Variants in SLC6A3 observed in about 807,000 individuals in gnomAD.
SLC6A3 encodes the protein sodium-dependent dopamine transporter.
A neutral mutation model predicts 70.4 loss-of-function variants in SLC6A3; 19 were observed. That is an observed-to-expected ratio of 0.27 (90% CI 0.19 to 0.40). The LOEUF is 0.40. Among genes scored for constraint, SLC6A3 ranks in the 10% least tolerant of loss-of-function variants. The pLI is 1.00. For missense variants in SLC6A3, 613 were observed against 838.5 expected, an observed-to-expected ratio of 0.73 and a Z score of 3.32; for synonymous variants, 368 against 356.6, an observed-to-expected ratio of 1.03 and a Z score of -0.36.
intron 14 of SLC6A3, among the ~76,000 whole-genome samples, chr5:1,398,360 CAAAA>C (rs57135183): frequency 3.1e-3 from 213 of 69,078 alleles, no homozygotes; most frequent in African/African-American, 8.8e-3. Context: ...GACTCCACCT[CAAAA>C]AAAAAAAAAA....
chr5:1,442,997 G>T lies in SLC6A3; in HGVS notation c.201C>A (p.Ile67=), dbSNP rs191426052. Residue 67 remains isoleucine (I), a synonymous_variant, in exon 2 of 15, where the codon ATC becomes ATA. Transcript: ENST00000270349. This position sits in a 1 kb window ranked among gnomAD's most constrained non-coding sequence, Gnocchi z 5.0. Reference sequence around the variant, plus strand: ...AGCCAATGACGGACAGGAGAAAGTCGATCTTCTTGCCCCAGGTCTCCCGAT... The same window carrying T: ...AGCCAATGACGGACAGGAGAAAGTCTATCTTCTTGCCCCAGGTCTCCCGAT... ...AQDRETWGKK[I]DFLLSVIGFA... is the part of the protein sequence containing the mutation. The T allele has an allele frequency of 2.5e-6, 4 of 1,614,058 alleles. No homozygotes were observed. Among genetic ancestry groups the T allele is most frequent in the Non-Finnish European group, 3.4e-6 (4 of 1,180,048 alleles).
intron 14 of SLC6A3, among the ~76,000 whole-genome samples, chr5:1,398,266 C>A (rs1332413941): frequency 6.7e-6 from 1 of 150,366 alleles, no homozygotes; most frequent in Non-Finnish European, 1.5e-5. Context: ...GAGGCTGAGG[C>A]AGGACAATTG....
chr5:1,419,189 T>C (rs1011232625), intron 6 of SLC6A3, among the ~76,000 whole-genome samples: 1 of 150,102 alleles, frequency 6.7e-6, no homozygotes, highest in African/African-American at 2.5e-5. Flanking sequence ...GCTACCTACC[T>C]ATCATCCATT....
rs1020985612 is a variant in SLC6A3 at position 1,413,848 on chromosome 5, C to T, written c.1156+843G>A. On this transcript the variant is annotated intron_variant, in intron 8 of 14. Coordinates refer to ENST00000270349, the MANE Select transcript of SLC6A3 (RefSeq NM_001044.5). The surrounding 1 kb of genome is among the most constrained non-coding windows in gnomAD (Gnocchi z 7.1). ...TTCCACTGCAAGCACCGGAGCCAGG[C>T]ACGTGGCCCCAAGTGCCTGGGCCCA... 2.6e-5 allele frequency among the ~76,000 whole-genome samples: 4 copies of T among 152,168 alleles called. No individual in the cohort carries two copies. In the South Asian group the frequency reaches 6.2e-4, roughly 24 times the overall value.
intron 14 of SLC6A3, among the ~76,000 whole-genome samples, chr5:1,395,790 G>T (rs1309053562): frequency 6.6e-6 from 1 of 152,264 alleles, no homozygotes; most frequent in Non-Finnish European, 1.5e-5. Flanking sequence ...CTTCAGCTGT[G>T]AGTCCTGTTC....
Position 1,394,825 on chromosome 5 carries a change from G to A in SLC6A3, c.1840-67C>T. 1 of 1,554,474 alleles carries A rather than the reference G, an allele frequency of 6.4e-7. No individual in the cohort carries two copies. The highest frequency in any genetic ancestry group is 1.1e-5 in the South Asian group (1 of 89,882). On this transcript the variant is annotated intron_variant, in intron 14 of 14. Coordinates refer to ENST00000270349, the MANE Select transcript of SLC6A3 (RefSeq NM_001044.5). This position sits in a 1 kb window ranked among gnomAD's most constrained non-coding sequence, Gnocchi z 4.7. The stretch of plus-strand genomic sequence containing the variant: ...CCCCATTTAAGAGCAGCTGAAGGTG[G>A]CTAAGAGCAGCTGAAGGCAGTGAGC...
chr5:1,429,531 A>AT (rs1756647204), intron 4 of SLC6A3, among the ~76,000 whole-genome samples: 1 of 152,188 alleles, frequency 6.6e-6, no homozygotes, highest in South Asian at 2.1e-4. Context: ...TCCTTCTAGC[A>AT]TTCTTAACAA....
Position 1,400,481 on chromosome 5 carries a change from C to G in SLC6A3, c.1839+434G>C, listed in dbSNP as rs28363154. On this transcript the variant is annotated intron_variant, in intron 14 of 14. Transcript: ENST00000270349. ...CGAAGCCAGCCCCAGGCTCCCAGGC[C>G]TCTCCCAGCCCCTCCAGGGCTCCCT... Among the ~76,000 whole-genome samples, 560 of 152,304 alleles carry G rather than the reference C, an allele frequency of 3.7e-3. 3 individuals are homozygous for G. The highest frequency in any genetic ancestry group is 0.011 in the African/African-American group (451 of 41,566).
intron 4 of SLC6A3, among the ~76,000 whole-genome samples, chr5:1,422,541 G>C (rs1756469281): frequency 6.9e-6 from 1 of 145,158 alleles, no homozygotes; most frequent in Non-Finnish European, 1.5e-5. Context: ...TGCCCACGCT[G>C]CTGGGTGCCC....
At chr5:1,441,260 G>A (rs1014114898) in intron 3 of SLC6A3, 99 bp downstream of exon 3, 351 of 1,469,320 alleles carry the variant, frequency 2.4e-4, no homozygotes, top group Non-Finnish European at 3.2e-4. Flanking sequence ...AGCAAAGCAG[G>A]GCTGGATGCC....
chr5:1,408,847 C>T lies in SLC6A3; in HGVS notation c.1498+179G>A, dbSNP rs905314378. On this transcript the variant is annotated intron_variant, in intron 11 of 14. Coordinates refer to ENST00000270349, the MANE Select transcript of SLC6A3 (RefSeq NM_001044.5). The surrounding 1 kb of genome is among the most constrained non-coding windows in gnomAD (Gnocchi z 6.4). ...TTCTGGCTGCCATCCAAGCTAAGCA[C>T]CTCACTGATCCCATCAAAGGGACCA... Among the ~76,000 whole-genome samples the T allele has an allele frequency of 2.0e-5, 3 of 152,230 alleles. No homozygotes were observed. The highest frequency in any genetic ancestry group is 2.9e-5 in the Non-Finnish European group (2 of 68,048).
chr5:1,440,803 A>G (rs1351214311), intron 3 of SLC6A3, among the ~76,000 whole-genome samples: 1 of 152,222 alleles, frequency 6.6e-6, no homozygotes, highest in Non-Finnish European at 1.5e-5. Flanking sequence ...AGAAGAAATC[A>G]ACCCTACAGA....
In SLC6A3 at chr5:1,438,789, G is replaced by C. The variant is rs1756900685; in HGVS notation, c.418+2570C>G. 6.6e-6 allele frequency among the ~76,000 whole-genome samples: 1 copy of C among 152,212 alleles called. No homozygotes were observed. The highest frequency in any genetic ancestry group is 1.5e-5 in the Non-Finnish European group (1 of 68,036). ...TAAGACACTTGTGACAGACTCCAGG[G>C]TGGCTCTTGAAAATCCAGCAAAGCA... On this transcript the variant is annotated intron_variant, in intron 3 of 14. Coordinates refer to ENST00000270349, the MANE Select transcript of SLC6A3 (RefSeq NM_001044.5). This position sits in a 1 kb window ranked among gnomAD's most constrained non-coding sequence, Gnocchi z 6.5.
At chr5:1,415,391 T>C (rs75355434) in intron 7 of SLC6A3, among the ~76,000 whole-genome samples, 1 of 152,044 alleles carries the variant, frequency 6.6e-6, no homozygotes, top group Non-Finnish European at 1.5e-5. Context: ...ACACACTTCA[T>C]CTGCAGAGCA....
Position 1,438,863 on chromosome 5 carries a change from T to C in SLC6A3, c.418+2496A>G, listed in dbSNP as rs2126406229. Among the ~76,000 whole-genome samples the C allele has an allele frequency of 6.6e-6, 1 of 152,286 alleles. No homozygotes were observed. The highest frequency in any genetic ancestry group is 1.5e-5 in the Non-Finnish European group (1 of 68,018). On this transcript the variant is annotated intron_variant, in intron 3 of 14. Transcript: ENST00000270349. The surrounding 1 kb of genome is among the most constrained non-coding windows in gnomAD (Gnocchi z 6.5). ...TGCCAGAGCACAATGTCATCTTTCCTCAGTTTCCCCTACCCCAGTGGGCCG... is the reference window on the plus strand; with the variant it reads ...TGCCAGAGCACAATGTCATCTTTCCCCAGTTTCCCCTACCCCAGTGGGCCG...
intron 6 of SLC6A3, among the ~76,000 whole-genome samples, chr5:1,417,726 C>A (rs1420393627): frequency 6.6e-6 from 1 of 152,226 alleles, no homozygotes; most frequent in Non-Finnish European, 1.5e-5. Flanking sequence ...AGCAGCCAAC[C>A]CCCCCTTGGA....
rs1388879245 is a variant in SLC6A3 at position 1,432,041 on chromosome 5, G to A, written c.653+423C>T. Reference sequence around the variant, plus strand: ...GGCAAGGGCCGGAGTGAGGCAGTTCGGCCCCATGCTATGCACAGAGGAAGG... The same window carrying A: ...GGCAAGGGCCGGAGTGAGGCAGTTCAGCCCCATGCTATGCACAGAGGAAGG... On this transcript the variant is annotated intron_variant, in intron 4 of 14. Coordinates refer to ENST00000270349, the MANE Select transcript of SLC6A3 (RefSeq NM_001044.5). Among the ~76,000 whole-genome samples the A allele has an allele frequency of 3.3e-5, 5 of 152,120 alleles. No homozygotes were observed. The South Asian group carries it at 6.2e-4, about 19-fold the overall frequency.
chr5:1,400,255 CG>C (rs1755813768), intron 14 of SLC6A3, among the ~76,000 whole-genome samples: 1 of 152,162 alleles, frequency 6.6e-6, no homozygotes, highest in African/African-American at 2.4e-5. Flanking sequence ...GGGCACATTC[CG>C]GGGCCTCTCT....
In SLC6A3 at chr5:1,411,204, A is replaced by C; in HGVS notation, c.1269+39T>G. On this transcript the variant is annotated intron_variant, in intron 9 of 14. Coordinates refer to ENST00000270349, the MANE Select transcript of SLC6A3 (RefSeq NM_001044.5). This position sits in a 1 kb window ranked among gnomAD's most constrained non-coding sequence, Gnocchi z 6.5. ...GGGCCCCCTCGGGTGGAAGGAACCC[A>C]ACTGCCGAGGACAGGGCCGGGCGGT... 1 of 1,427,764 alleles carries C rather than the reference A, an allele frequency of 7.0e-7. No homozygotes were observed. 88.4% of individuals were successfully genotyped at this position (1,427,764 alleles called of 1,614,324 possible).
Sources: gnomAD v4.1 joint callset for allele counts (sites outside exome capture counted in the v4.1 genomes callset) on GRCh38, gnomAD v4.1.1 for gene constraint, Gnocchi (gnomAD v3.1) non-coding constraint, MANE v1.5 for transcripts, NCBI Gene and HGNC (gene_info 2026-07-23, HGNC 2026-07-21) for gene names.